CELF4: variants seen among roughly 807,000 people sequenced by gnomAD.
The protein encoded by CELF4 is CUGBP Elav-like family member 4, also known as CUG-BP- and ETR-3-like factor 4.
A neutral mutation model predicts 59.9 loss-of-function variants in CELF4; 18 were observed. The observed-to-expected ratio is 0.30, with a 90% confidence interval of 0.21 to 0.45. The LOEUF is 0.45. Among genes scored for constraint, CELF4 ranks in the 20% least tolerant of loss-of-function variants. The pLI is 1.00. For synonymous variants in CELF4, 261 were observed against 267.1 expected (o/e 0.98, Z 0.22); for missense variants, 456 against 689.0 (o/e 0.66, Z 3.79).
intron 3 of CELF4, among the ~76,000 whole-genome samples, chr18:37,295,115 C>A (rs952689963): frequency 2.0e-5 from 3 of 152,178 alleles, no homozygotes; most frequent in African/African-American, 7.2e-5. Flanking sequence ...CCAAGCTGTG[C>A]CTCACCTTCC....
At chr18:37,282,185 C>T (rs79811109) in intron 3 of CELF4, among the ~76,000 whole-genome samples, 1,866 of 152,130 alleles carry the variant, frequency 0.012, 39 homozygotes, top group African/African-American at 0.044. Flanking sequence ...CCATGGGAAC[C>T]CCAGCTGGCA....
intron 1 of CELF4, among the ~76,000 whole-genome samples, chr18:37,529,938 G>A (rs2099967767): frequency 6.6e-6 from 1 of 152,164 alleles, no homozygotes; most frequent in African/African-American, 2.4e-5. Context: ...ACTGTGAATG[G>A]TCCTTGGATT....
intron 1 of CELF4, among the ~76,000 whole-genome samples, chr18:37,559,253 C>T (rs1176275784): frequency 6.6e-6 from 1 of 152,112 alleles, no homozygotes; most frequent in African/African-American, 2.4e-5. Context: ...TAAACTGTCC[C>T]TAACATCATC....
At chr18:37,339,533 G>A (rs112232853) in intron 2 of CELF4, among the ~76,000 whole-genome samples, 6 of 152,202 alleles carry the variant, frequency 3.9e-5, no homozygotes, top group African/African-American at 1.4e-4. Context: ...GCAGGTGGAT[G>A]ATTTGTGGTC....
intron 2 of CELF4, among the ~76,000 whole-genome samples, chr18:37,350,043 G>A (rs1397619943): frequency 2.0e-5 from 3 of 152,142 alleles, no homozygotes; most frequent in Admixed American, 6.5e-5. Context: ...GGGAGGACCC[G>A]AAGCAGGCTG....
chr18:37,395,344 C>T (rs768521556), intron 2 of CELF4, among the ~76,000 whole-genome samples: 1 of 152,130 alleles, frequency 6.6e-6, no homozygotes, highest in Non-Finnish European at 1.5e-5. Flanking sequence ...GCGGGCTGGG[C>T]TGTGTGTTAA....
chr18:37,451,535 GTGTA>G (rs2099764065), intron 2 of CELF4, among the ~76,000 whole-genome samples: 1 of 152,192 alleles, frequency 6.6e-6, no homozygotes, highest in South Asian at 2.1e-4. Flanking sequence ...ATGCACATGT[GTGTA>G]TGTATGTGTG....
intron 1 of CELF4, among the ~76,000 whole-genome samples, chr18:37,504,508 T>C (rs2099935463): frequency 6.6e-6 from 1 of 151,462 alleles, no homozygotes. Flanking sequence ...CTCAATTTCC[T>C]TTTAGCATGT....
chr18:37,408,765 C>T (rs764707872), intron 2 of CELF4, among the ~76,000 whole-genome samples: 1 of 152,160 alleles, frequency 6.6e-6, no homozygotes, highest in Admixed American at 6.5e-5. Context: ...CCCCCGAACA[C>T]GGGCTTCTCT....
At chr18:37,317,016 T>C (rs969821949) in intron 3 of CELF4, among the ~76,000 whole-genome samples, 3 of 152,236 alleles carry the variant, frequency 2.0e-5, no homozygotes, top group Non-Finnish European at 4.4e-5. Flanking sequence ...GAACAAGTTA[T>C]CTAGCCTCTC....
intron 3 of CELF4, among the ~76,000 whole-genome samples, chr18:37,294,973 G>A (rs936648419): frequency 2.0e-5 from 3 of 152,342 alleles, no homozygotes; most frequent in South Asian, 4.2e-4. Context: ...TGCTTTTCAA[G>A]TAGATAGAAT....
chr18:37,375,358 G>A (rs905029490), intron 2 of CELF4, among the ~76,000 whole-genome samples: 4 of 152,120 alleles, frequency 2.6e-5, no homozygotes, highest in African/African-American at 9.7e-5. Context: ...ACGGCTCTCG[G>A]GGCCAGTACC....
intron 2 of CELF4, among the ~76,000 whole-genome samples, chr18:37,473,120 C>T (rs1271258256): frequency 1.3e-5 from 2 of 152,132 alleles, no homozygotes; most frequent in Non-Finnish European, 2.9e-5. Flanking sequence ...CAGGCCAGCC[C>T]GTGCTATCCC....
chr18:37,251,452 T>C (rs2065423026), intron 12 of CELF4, among the ~76,000 whole-genome samples: 2 of 152,150 alleles, frequency 1.3e-5, no homozygotes, highest in African/African-American at 4.8e-5. Flanking sequence ...ACCTAGAGGT[T>C]TTATCCTGGC....
chr18:37,333,081 G>C lies in CELF4; in HGVS notation c.370-11200C>G, dbSNP rs2097606761. Among the ~76,000 whole-genome samples, 3 of 152,348 alleles carry C rather than the reference G, an allele frequency of 2.0e-5. No homozygotes were observed. The South Asian group carries it at 6.2e-4, about 32-fold the overall frequency. On this transcript the variant is annotated intron_variant, in intron 2 of 12. Coordinates refer to ENST00000420428, the MANE Select transcript of CELF4 (RefSeq NM_020180.4). The stretch of plus-strand genomic sequence containing the variant: ...TGCAATTTTTTAAATAACAGTAGTG[G>C]ATAGATAATTCTGATGAAACAGGCC...
At chr18:37,547,393 T>A (rs1355286725) in intron 1 of CELF4, among the ~76,000 whole-genome samples, 2 of 152,142 alleles carry the variant, frequency 1.3e-5, no homozygotes, top group African/African-American at 4.8e-5. Flanking sequence ...CCTACCCTGC[T>A]CCTCTCCTTC....
chr18:37,319,239 GAGGATGGCACTCCTCTCACTGCCAAGGA>G (rs1265630774), intron 3 of CELF4, among the ~76,000 whole-genome samples: 3 of 152,238 alleles, frequency 2.0e-5, no homozygotes, highest in African/African-American at 7.2e-5. Context: ...GAGGCTGAGT[GAGGATGGCACTCCTCTCACTGCCAAGGA>G]AGGGACAGGA....
intron 2 of CELF4, among the ~76,000 whole-genome samples, chr18:37,457,660 C>G (rs376081219): frequency 6.6e-6 from 1 of 152,136 alleles, no homozygotes; most frequent in Non-Finnish European, 1.5e-5. Context: ...CATCCCGCAG[C>G]CCGAAGACCA....
intron 1 of CELF4, among the ~76,000 whole-genome samples, chr18:37,505,268 A>G (rs146723564): frequency 1.2e-4 from 18 of 152,320 alleles, no homozygotes; most frequent in African/African-American, 3.4e-4. Flanking sequence ...GCCAACCTGT[A>G]GCTTCCAAGA....
Sources: gnomAD v4.1 joint callset for allele counts (sites outside exome capture counted in the v4.1 genomes callset) on GRCh38, gnomAD v4.1.1 for gene constraint, MANE v1.5 for transcripts, NCBI Gene and HGNC (gene_info 2026-07-23, HGNC 2026-07-21) for gene names.